ZNF536: variants seen among roughly 807,000 people sequenced by gnomAD.
The protein encoded by ZNF536 is zinc finger protein 536.
In ZNF536, 13 loss-of-function variants were observed where a neutral mutation model predicts 84.5. The ratio of observed to expected loss-of-function variants is 0.15; its 90% CI spans 0.10 to 0.24. ZNF536 has a LOEUF of 0.24. Ranked by LOEUF, ZNF536 falls within the 10% of genes least tolerant of loss-of-function variation. The pLI, the probability that ZNF536 is intolerant of heterozygous loss-of-function variation, is 1.00. For synonymous variants in ZNF536, 811 were observed against 742.5 expected, an observed-to-expected ratio of 1.09 and a Z score of -1.50; for missense variants, 1,536 against 1,747.5, an observed-to-expected ratio of 0.88 and a Z score of 2.16.
Position 30,548,299 on chromosome 19 carries a change from A to C in ZNF536, c.2680A>C (p.Ser894Arg), listed in dbSNP as rs2146194683. ...GAAAGGCACTGACCTTCCTTCCAAA[A>C]GCACCCACTTCTCTGAGATCGGAAG... ...ALKGTDLPSKSTHFSEIGRAY... is the reference protein window; with the variant it reads ...ALKGTDLPSKRTHFSEIGRAY... The change falls in exon 4 of 5, where the codon AGC becomes CGC. Residue 894 changes from serine to arginine, a missense_variant. Physicochemically the swap from Ser to Arg is moderately radical, Grantham distance 110 (BLOSUM62 -1). Around this residue, in one of 8 missense-constraint regions of ZNF536, gnomAD observed 624 missense variants for 603.1 expected, o/e 1.03. Coordinates refer to ENST00000355537, the MANE Select transcript of ZNF536 (RefSeq NM_014717.3). The C allele has an allele frequency of 6.2e-7, 1 of 1,614,220 alleles. No homozygotes were observed. Among genetic ancestry groups the C allele is most frequent in the Non-Finnish European group, 8.5e-7 (1 of 1,180,044 alleles).
At chr19:30,531,021 TCTGGACACTTC>T (rs2145875115) in intron 2 of ZNF536, among the ~76,000 whole-genome samples, 1 of 152,328 alleles carries the variant, frequency 6.6e-6, no homozygotes, top group East Asian at 1.9e-4. Context: ...TTTCAGCCTC[TCTGGACACTTC>T]CTGGGACCAC....
intron 1 of ZNF536, among the ~76,000 whole-genome samples, chr19:30,654,753 G>A (rs1350926644): frequency 1.3e-5 from 2 of 152,124 alleles, no homozygotes; most frequent in East Asian, 3.9e-4. Flanking sequence ...TGGAAGGCTG[G>A]TGGCTTAGGT....
intron 2 of ZNF536, among the ~76,000 whole-genome samples, chr19:30,293,700 G>T (rs146499915): frequency 6.6e-6 from 1 of 152,122 alleles, no homozygotes; most frequent in East Asian, 1.9e-4. Flanking sequence ...TACGATAATC[G>T]GAGTTGCAGG....
At chr19:30,379,819 C>G (rs893853240) in intron 1 of ZNF536, among the ~76,000 whole-genome samples, 4 of 152,084 alleles carry the variant, frequency 2.6e-5, no homozygotes, top group Admixed American at 6.5e-5. Context: ...ATGCCTGGGA[C>G]CTCCTGTGAC....
At chr19:30,281,423 C>A (rs1467279382) in intron 1 of ZNF536, among the ~76,000 whole-genome samples, 1 of 152,232 alleles carries the variant, frequency 6.6e-6, no homozygotes, top group Non-Finnish European at 1.5e-5. Context: ...CCTGCACTTG[C>A]TTAAGGGCTT....
At chr19:30,520,722 C>T (rs1182779988) in intron 2 of ZNF536, among the ~76,000 whole-genome samples, 1 of 152,112 alleles carries the variant, frequency 6.6e-6, no homozygotes, top group Non-Finnish European at 1.5e-5. Context: ...GGATCACCAC[C>T]TGCTGGTTTG....
chr19:30,238,544 C>T (rs1209226232), intron 1 of ZNF536, among the ~76,000 whole-genome samples: 1 of 151,948 alleles, frequency 6.6e-6, no homozygotes, highest in African/African-American at 2.4e-5. Context: ...CTGTGCTTTC[C>T]ATCTTTTCCC....
At chr19:30,499,265 TTATC>T (rs1189911904) in intron 2 of ZNF536, among the ~76,000 whole-genome samples, 1 of 151,994 alleles carries the variant, frequency 6.6e-6, no homozygotes, top group Non-Finnish European at 1.5e-5. Context: ...AAAGAAGTAT[TTATC>T]TATTTATGTA....
chr19:30,497,186 G>A (rs919745344), intron 2 of ZNF536, among the ~76,000 whole-genome samples: 7 of 152,092 alleles, frequency 4.6e-5, no homozygotes, highest in Admixed American at 4.6e-4. Context: ...TGTATTTAAG[G>A]GCCCCGTGAG....
chr19:30,595,374 A>T (rs187054747), intron 1 of ZNF536, among the ~76,000 whole-genome samples: 1 of 151,942 alleles, frequency 6.6e-6, no homozygotes, highest in Non-Finnish European at 1.5e-5. Context: ...TGCAGCCTTG[A>T]TCTCCTCAGT....
intron 2 of ZNF536, among the ~76,000 whole-genome samples, chr19:30,313,278 TC>T (rs1473649362): frequency 1.3e-5 from 2 of 152,258 alleles, no homozygotes; most frequent in East Asian, 3.9e-4. Flanking sequence ...AGCTTTCGGG[TC>T]AAACCTTTCC....
chr19:30,554,398 G>C (rs2045895671), intron 4 of ZNF536: 1 of 151,642 alleles, frequency 6.6e-6, no homozygotes, highest in African/African-American at 2.4e-5. Context: ...TGGGATTACA[G>C]GTGCACGCCA....
chr19:30,227,945 C>T (rs2022715069), upstream of ZNF536, among the ~76,000 whole-genome samples: 1 of 152,036 alleles, frequency 6.6e-6, no homozygotes, highest in Non-Finnish European at 1.5e-5. Flanking sequence ...GTTCCCCAAC[C>T]CTGGTGTCCC....
At chr19:30,383,144 G>C (rs545758228) in intron 1 of ZNF536, among the ~76,000 whole-genome samples, 1 of 152,084 alleles carries the variant, frequency 6.6e-6, no homozygotes, top group African/African-American at 2.4e-5. Context: ...ATAAAACTTA[G>C]CTGGGCATGG....
chr19:30,465,641 G>A (rs1319610526), intron 2 of ZNF536, among the ~76,000 whole-genome samples: 1 of 152,126 alleles, frequency 6.6e-6, no homozygotes, highest in African/African-American at 2.4e-5. Flanking sequence ...CTGGAATCCT[G>A]GTGCTTTGGG....
Position 30,445,707 on chromosome 19 carries a change from G to A in ZNF536, c.2145G>A (p.Pro715=), listed in dbSNP as rs1245802145. The A allele has an allele frequency of 5.7e-6, 9 of 1,576,342 alleles. No homozygotes were observed. The highest frequency in any genetic ancestry group is 2.7e-5 in the African/African-American group (2 of 74,046). ...SQTGSAQEDS[P]HPSSPSSSDI... ...CCGGGAGTGCCCAGGAGGACAGCCC[G>A]CACCCCTCCTCGCCATCCTCCTCAG... The change falls in exon 2 of 5, where the codon CCG becomes CCA. Residue 715 remains proline, a synonymous_variant. Transcript: ENST00000355537. This position sits in a 1 kb window ranked among gnomAD's most constrained non-coding sequence, Gnocchi z 4.5.
intron 1 of ZNF536, among the ~76,000 whole-genome samples, chr19:30,585,771 G>A (rs188964684): frequency 4.5e-4 from 69 of 151,902 alleles, no homozygotes; most frequent in Non-Finnish European, 3.1e-4. Context: ...CCTCCTACCC[G>A]TCATTTCAGG....
chr19:30,229,807 G>C (rs2022897367), intron 1 of ZNF536, among the ~76,000 whole-genome samples: 1 of 152,140 alleles, frequency 6.6e-6, no homozygotes, highest in Non-Finnish European at 1.5e-5. Context: ...CGAGCCCTAG[G>C]AATTAACTTT....
chr19:30,285,745 G>C (rs1041991477), intron 2 of ZNF536, among the ~76,000 whole-genome samples: 1 of 152,032 alleles, frequency 6.6e-6, no homozygotes, highest in African/African-American at 2.4e-5. Context: ...GATTGGTTGC[G>C]GGGCCCTCCC....
Sources: allele counts gnomAD v4.1 joint callset (sites outside exome capture counted in the v4.1 genomes callset), GRCh38; gene constraint gnomAD v4.1.1; regional missense constraint gnomAD v4.1.1; non-coding constraint Gnocchi (gnomAD v3.1); transcripts MANE v1.5; gene names NCBI Gene and HGNC (gene_info 2026-07-23, HGNC 2026-07-21).